The following CYYR1 variants were observed in gnomAD, a reference collection of about 807,000 sequenced individuals.
CYYR1 encodes the protein cysteine and tyrosine-rich protein 1.
A neutral mutation model predicts 15.2 loss-of-function variants in CYYR1; 14 were observed. The observed-to-expected ratio is 0.92, with a 90% CI of 0.61 to 1.44. The LOEUF (loss-of-function observed/expected upper bound fraction) is 1.44, where lower values mean the gene tolerates loss of function less well. Among genes scored for constraint, CYYR1 ranks in the 40% most tolerant of loss-of-function variants. The probability of loss-of-function intolerance (pLI) is 0.00; values close to 1 mark genes in which losing one functional copy is unlikely to be tolerated. For synonymous variants in CYYR1, 80 were observed against 77.4 expected (o/e 1.03, Z -0.18); for missense variants, 228 against 209.5 (o/e 1.09, Z -0.54).
chr21:26,476,662 T>C (rs1007207005), intron 3 of CYYR1, among the ~76,000 whole-genome samples: 2 of 152,020 alleles, frequency 1.3e-5, no homozygotes, highest in African/African-American at 2.4e-5. Flanking sequence ...TATCTAAAAA[T>C]CATTTCACAG....
At chr21:26,549,645 C>T (rs1044635006) in intron 2 of CYYR1, among the ~76,000 whole-genome samples, 1 of 152,052 alleles carries the variant, frequency 6.6e-6, no homozygotes, top group Non-Finnish European at 1.5e-5. Flanking sequence ...TGATGCACTA[C>T]AGAAAAGTGT....
intron 2 of CYYR1, among the ~76,000 whole-genome samples, chr21:26,554,084 G>C (rs548806631): frequency 6.6e-6 from 1 of 152,252 alleles, no homozygotes; most frequent in Non-Finnish European, 1.5e-5. Context: ...TACAAGTCTT[G>C]ACTTAAATGG....
At chr21:26,502,998 C>A (rs2065502865) in intron 2 of CYYR1, among the ~76,000 whole-genome samples, 1 of 152,074 alleles carries the variant, frequency 6.6e-6, no homozygotes, top group Admixed American at 6.5e-5. Flanking sequence ...CTGTTTTATA[C>A]TTGATTTTGG....
chr21:26,491,225 G>C (rs1442122274), intron 2 of CYYR1, among the ~76,000 whole-genome samples: 1 of 152,270 alleles, frequency 6.6e-6, no homozygotes, highest in Admixed American at 6.5e-5. Context: ...CATTGGCATG[G>C]TTCACCCTTT....
At chr21:26,493,910 T>G (rs1175569578) in intron 2 of CYYR1, among the ~76,000 whole-genome samples, 1 of 152,256 alleles carries the variant, frequency 6.6e-6, no homozygotes, top group African/African-American at 2.4e-5. Context: ...TGAGCATGCA[T>G]AGATAGGAAG....
Position 26,482,446 on chromosome 21 carries a change from T to A in CYYR1, c.177-2017A>T, listed in dbSNP as rs193124030. The A allele has an allele frequency of 2.3e-4, 228 of 985,324 alleles. 1 individual carries two copies. In the African/African-American group the frequency reaches 3.6e-3, roughly 15 times the overall value. 61.0% of individuals were successfully genotyped at this position (985,324 alleles called of 1,614,324 possible). On this transcript the variant is annotated intron_variant, in intron 2 of 3. Coordinates refer to ENST00000652641, the MANE Select transcript of CYYR1 (RefSeq NM_001320768.2). Reference sequence around the variant, plus strand: ...CTGATGATTTCCTTCTTACAGCAACTAAGACTACTGGTTGTTCCGAACCTG... The same window carrying A: ...CTGATGATTTCCTTCTTACAGCAACAAAGACTACTGGTTGTTCCGAACCTG...
At chr21:26,482,096 T>G (rs749941913) in intron 2 of CYYR1, 3 of 187,862 alleles carry the variant, frequency 1.6e-5, no homozygotes, top group Non-Finnish European at 3.0e-5. Context: ...TTTTTACACA[T>G]TATTTATTGC....
rs944943531 is a variant in CYYR1 at position 26,487,690 on chromosome 21, A to C, written c.177-7261T>G. ...ATGGAGTATCATTTTCAATATTAAC[A>C]GTATTTACTTATATTAATCGTAGGA... On this transcript the variant is annotated intron_variant, in intron 2 of 3. Transcript: ENST00000652641. Among the ~76,000 whole-genome samples the C allele has an allele frequency of 1.2e-4, 19 of 152,220 alleles. No homozygotes were observed. In the East Asian group the frequency reaches 3.3e-3, roughly 26 times the overall value.
chr21:26,482,238 C>A (rs1233895442), intron 2 of CYYR1: 1 of 926,812 alleles, frequency 1.1e-6, no homozygotes, highest in Non-Finnish European at 1.3e-6. Context: ...TTAACTTTTA[C>A]AAATTATTAT....
chr21:26,480,478 T>C, intron 2 of CYYR1, 49 bp from the exon 3 acceptor site: 1 of 1,560,488 alleles, frequency 6.4e-7, no homozygotes, highest in Non-Finnish European at 8.7e-7. Context: ...TAAGCATTCT[T>C]TAGACTTTCT....
chr21:26,541,867 C>T (rs1299111106), intron 2 of CYYR1, among the ~76,000 whole-genome samples: 1 of 151,634 alleles, frequency 6.6e-6, no homozygotes, highest in Non-Finnish European at 1.5e-5. Context: ...TAGAGCACCA[C>T]TGAAATAATA....
In CYYR1 at chr21:26,512,855, C is replaced by A. The variant is rs150676414; in HGVS notation, c.177-32426G>T. On this transcript the variant is annotated intron_variant, in intron 2 of 3. Transcript: ENST00000652641. ...CAACCCCTAATGCATATGAATGGGA[C>A]CCCTGGAGTTGGCTGTGCATAACCT... 3.4e-3 allele frequency among the ~76,000 whole-genome samples: 519 copies of A among 152,194 alleles called. 4 individuals carry two copies. Among genetic ancestry groups the A allele is most frequent in the Non-Finnish European group, 4.8e-3 (327 of 68,018 alleles).
chr21:26,517,114 CAAAAAAAAA>C (rs61352955), intron 2 of CYYR1, among the ~76,000 whole-genome samples: 5 of 46,704 alleles, frequency 1.1e-4, no homozygotes, highest in Non-Finnish European at 1.4e-4. Flanking sequence ...GACTCCGTCT[CAAAAAAAAA>C]AAAAAAAAAA....
intron 2 of CYYR1, among the ~76,000 whole-genome samples, chr21:26,508,828 C>A (rs1020665870): frequency 1.1e-4 from 17 of 152,108 alleles, no homozygotes; most frequent in Admixed American, 7.2e-4. Flanking sequence ...CAGAGGATTG[C>A]AGCTTAAGGT....
chr21:26,514,739 T>TAAGG (rs2065699501), intron 2 of CYYR1, among the ~76,000 whole-genome samples: 1 of 152,152 alleles, frequency 6.6e-6, no homozygotes, highest in Non-Finnish European at 1.5e-5. Flanking sequence ...GGCCATGTAA[T>TAAGG]AAGGCTTTTA....
At chr21:26,481,358 C>T (rs1290563317) in intron 2 of CYYR1, among the ~76,000 whole-genome samples, 1 of 151,842 alleles carries the variant, frequency 6.6e-6, no homozygotes, top group Admixed American at 6.6e-5. Flanking sequence ...AAAAAGAGGA[C>T]TGACAGAAAA....
intron 2 of CYYR1, among the ~76,000 whole-genome samples, chr21:26,555,412 AT>A (rs756087090): frequency 2.6e-5 from 4 of 152,076 alleles, no homozygotes; most frequent in African/African-American, 4.8e-5. Flanking sequence ...GGTAGCTCTT[AT>A]TTTTTGCAAA....
Position 26,530,695 on chromosome 21 carries a change from G to A in CYYR1, c.176+35571C>T, listed in dbSNP as rs528854461. Among the ~76,000 whole-genome samples the A allele has an allele frequency of 9.7e-4, 147 of 152,084 alleles. 1 individual carries two copies. The highest frequency in any genetic ancestry group is 3.3e-3 in the African/African-American group (138 of 41,496). ...TTCTCATTGTTCAACTCCCACTTAT[G>A]AGTGAGAACAGGCAGTGTTTGGTTT... On this transcript the variant is annotated intron_variant, in intron 2 of 3. Transcript: ENST00000652641.
intron 2 of CYYR1, among the ~76,000 whole-genome samples, chr21:26,557,097 C>A (rs554796504): frequency 6.6e-6 from 1 of 152,142 alleles, no homozygotes; most frequent in Non-Finnish European, 1.5e-5. Flanking sequence ...TGAGCCTCAT[C>A]CTCCTCATCT....
Sources: allele counts gnomAD v4.1 joint callset (sites outside exome capture counted in the v4.1 genomes callset), GRCh38; gene constraint gnomAD v4.1.1; transcripts MANE v1.5; gene names NCBI Gene and HGNC (gene_info 2026-07-23, HGNC 2026-07-21).